FRA10AC1: variants seen among roughly 807,000 people sequenced by gnomAD.
The protein encoded by FRA10AC1 is protein FRA10AC1.
FRA10AC1 carries 43 observed loss-of-function variants against 56.5 expected under a neutral mutation model. That is an observed-to-expected ratio of 0.76 (90% CI 0.60 to 0.98). The LOEUF (loss-of-function observed/expected upper bound fraction) is 0.98, where lower values mean the gene tolerates loss of function less well. Ranked by LOEUF, FRA10AC1 falls within the 50% of genes least tolerant of loss-of-function variation. The pLI is 0.00. For missense variants in FRA10AC1, 346 were observed against 351.8 expected, an observed-to-expected ratio of 0.98 and a Z score of 0.13; for synonymous variants, 112 against 110.5, an observed-to-expected ratio of 1.01 and a Z score of -0.09.
chr10:93,681,922 C>CA lies in FRA10AC1; in HGVS notation c.669-325dup, dbSNP rs200530414. ...CACTTAGCCATTTAAAACTAAATTA[C>CA]AAAAAAAAGCCTCATTTCCCTTCAC... is the stretch of plus-strand genomic sequence containing the variant. On this transcript the variant is annotated intron_variant, in intron 10 of 13. Coordinates refer to ENST00000359204, the MANE Select transcript of FRA10AC1 (RefSeq NM_145246.5). 2.5e-3 allele frequency among the ~76,000 whole-genome samples: 384 copies of CA among 151,352 alleles called. 10 individuals are homozygous for CA. In the East Asian group the frequency reaches 0.064, roughly 25 times the overall value.
intron 1 of FRA10AC1, among the ~76,000 whole-genome samples, chr10:93,701,959 T>C (rs1468895336): frequency 4.6e-5 from 7 of 152,152 alleles, no homozygotes; most frequent in Non-Finnish European, 8.8e-5. Flanking sequence ...CTCATACGAA[T>C]GGAGATTAAA....
chr10:93,683,962 C>T (rs2058979875), intron 10 of FRA10AC1, 94 bp downstream of exon 10: 4 of 833,962 alleles, frequency 4.8e-6, no homozygotes, highest in Admixed American at 4.3e-5. Flanking sequence ...ATTCAACCAT[C>T]AACCACCTAA....
intron 11 of FRA10AC1, among the ~76,000 whole-genome samples, chr10:93,678,800 G>A (rs1437365341): frequency 6.6e-6 from 1 of 150,876 alleles, no homozygotes; most frequent in Non-Finnish European, 1.5e-5. Flanking sequence ...TCATGCCACT[G>A]TATTCCAGCA....
intron 7 of FRA10AC1, 184 bp from the exon 8 acceptor site, chr10:93,687,633 A>G (rs2059053936): frequency 3.6e-6 from 2 of 548,244 alleles, no homozygotes; most frequent in South Asian, 5.4e-5. Flanking sequence ...TCTGTTAAGA[A>G]CAATCTACTT....
intron 4 of FRA10AC1, among the ~76,000 whole-genome samples, chr10:93,696,125 C>G (rs932119716): frequency 2.0e-5 from 3 of 152,158 alleles, no homozygotes; most frequent in African/African-American, 7.2e-5. Context: ...CATTATATAT[C>G]AAACATAAAA....
Position 93,681,500 on chromosome 10 carries a change from G to T in FRA10AC1, c.767C>A (p.Ala256Asp), listed in dbSNP as rs1387512731. The change falls in exon 11 of 14, where the codon GCC (alanine) becomes GAC (aspartate). Residue 256 changes from alanine (A) to aspartate (D), a missense_variant. Coordinates refer to ENST00000359204, the MANE Select transcript of FRA10AC1 (RefSeq NM_145246.5). ...KKSRLSSAEE[A>D]SKKKDKGHSS... ...TTTACCTTTATCTTTTTTCTTGGAG[G>T]CCTCTTCTGCAGAAGATAATCTGGA... 4 of 1,570,802 alleles carry T rather than the reference G, an allele frequency of 2.5e-6. No individual in the cohort carries two copies. The highest frequency in any genetic ancestry group is 2.3e-5 in the East Asian group (1 of 43,252).
chr10:93,702,692 G>A (rs972174475), upstream of FRA10AC1: 3 of 232,944 alleles, frequency 1.3e-5, no homozygotes, highest in African/African-American at 7.1e-5. Flanking sequence ...AGGGCAGCGG[G>A]AGAAACGGCC....
At chr10:93,670,075 A>G (rs1012581406) in intron 13 of FRA10AC1, among the ~76,000 whole-genome samples, 4 of 152,128 alleles carry the variant, frequency 2.6e-5, no homozygotes, top group African/African-American at 9.7e-5. Context: ...TAAAATAAAA[A>G]TATTTCATAT....
chr10:93,671,728 G>A (rs543023984), intron 12 of FRA10AC1: 8 of 255,734 alleles, frequency 3.1e-5, no homozygotes, highest in Non-Finnish European at 6.1e-5. Flanking sequence ...TAGTATAATA[G>A]ATATGTTAAA....
At chr10:93,684,310 AT>A (rs1277196061) in intron 9 of FRA10AC1, among the ~76,000 whole-genome samples, 1 of 152,204 alleles carries the variant, frequency 6.6e-6, no homozygotes, top group East Asian at 1.9e-4. Context: ...GGAATTGAAA[AT>A]AACACTATTT....
intron 12 of FRA10AC1, 64 bp from the exon 13 acceptor site, chr10:93,670,912 C>T (rs1564810111): frequency 2.3e-5 from 24 of 1,045,358 alleles, no homozygotes; most frequent in South Asian, 9.5e-5. Context: ...TTGAATTATT[C>T]GCCAATACAA....
intron 11 of FRA10AC1, among the ~76,000 whole-genome samples, chr10:93,677,798 T>C (rs1050206687): frequency 5.3e-5 from 8 of 152,138 alleles, no homozygotes; most frequent in Non-Finnish European, 1.0e-4. Context: ...AGATTGTGAG[T>C]TGCTAACAAG....
intron 12 of FRA10AC1, 70 bp from the exon 13 acceptor site, chr10:93,670,918 T>C (rs2058751095): frequency 4.1e-6 from 4 of 973,004 alleles, no homozygotes; most frequent in East Asian, 5.0e-5. Context: ...TATTCGCCAA[T>C]ACAATTAACT....
At chr10:93,693,285 T>A (rs1462671772) in intron 5 of FRA10AC1, among the ~76,000 whole-genome samples, 2 of 145,410 alleles carry the variant, frequency 1.4e-5, no homozygotes, top group African/African-American at 5.1e-5. Context: ...AAATTGGGGG[T>A]AAATGAGGTG....
chr10:93,674,229 T>C (rs2058808831), intron 12 of FRA10AC1: 2 of 152,236 alleles, frequency 1.3e-5, no homozygotes, highest in Non-Finnish European at 1.5e-5. Context: ...GAGGATATTA[T>C]ATGCACATTA....
intron 5 of FRA10AC1, 75 bp downstream of exon 5, chr10:93,694,783 CAGA>C: frequency 2.0e-6 from 1 of 506,620 alleles, no homozygotes. Flanking sequence ...ATGACAGAAT[CAGA>C]AGGCACAGTA....
chr10:93,679,578 C>CT (rs2058898368), intron 11 of FRA10AC1, among the ~76,000 whole-genome samples: 2 of 152,110 alleles, frequency 1.3e-5, no homozygotes, highest in Non-Finnish European at 2.9e-5. Context: ...TTTCCAGAAA[C>CT]TGAAAGGCTA....
At chr10:93,693,697 A>T (rs936506503) in intron 5 of FRA10AC1, among the ~76,000 whole-genome samples, 1 of 146,692 alleles carries the variant, frequency 6.8e-6, no homozygotes, top group Non-Finnish European at 1.5e-5. Flanking sequence ...TATACCATAT[A>T]TATATACACA....
At chr10:93,689,066 T>G (rs1415360388) in intron 7 of FRA10AC1, among the ~76,000 whole-genome samples, 6 of 151,054 alleles carry the variant, frequency 4.0e-5, no homozygotes, top group African/African-American at 1.2e-4. Context: ...TGGGGTTTTT[T>G]TTTTTTTTTT....
Sources: allele counts gnomAD v4.1 joint callset (sites outside exome capture counted in the v4.1 genomes callset), GRCh38; gene constraint gnomAD v4.1.1; transcripts MANE v1.5; gene names NCBI Gene and HGNC (gene_info 2026-07-23, HGNC 2026-07-21).